Variants in BMPR1A observed in about 807,000 individuals in gnomAD.
BMPR1A encodes the protein bone morphogenetic protein receptor type 1A, also known as bone morphogenetic protein receptor type-1A.
Under a neutral mutation model 66.0 loss-of-function variants are expected in BMPR1A, and 7 were observed. That is an observed-to-expected ratio of 0.11 (90% CI 0.06 to 0.20). The LOEUF is 0.20. Among genes scored for constraint, BMPR1A ranks in the 10% least tolerant of loss-of-function variants. The pLI, the probability that BMPR1A is intolerant of heterozygous loss-of-function variation, is 1.00. For synonymous variants in BMPR1A, 200 were observed against 229.7 expected (o/e 0.87, Z 1.17); for missense variants, 408 against 669.1 (o/e 0.61, Z 4.31).
chr10:86,834,994 G>A (rs1260964443), intron 1 of BMPR1A, among the ~76,000 whole-genome samples: 4 of 151,810 alleles, frequency 2.6e-5, no homozygotes, highest in Non-Finnish European at 5.9e-5. Context: ...TGGAGTAGCC[G>A]AAGGAAAAAA....
At chr10:86,905,616 T>C (rs1843374521) in intron 7 of BMPR1A, among the ~76,000 whole-genome samples, 1 of 152,096 alleles carries the variant, frequency 6.6e-6, no homozygotes, top group Non-Finnish European at 1.5e-5. Context: ...TTACTCACTC[T>C]TGTTGATGTT....
chr10:86,902,048 G>C (rs973514877), intron 7 of BMPR1A, among the ~76,000 whole-genome samples: 1 of 151,920 alleles, frequency 6.6e-6, no homozygotes, highest in East Asian at 1.9e-4. Flanking sequence ...TAGTAAAGAC[G>C]GGGGTTTCAC....
intron 3 of BMPR1A, among the ~76,000 whole-genome samples, chr10:86,888,826 CAAAA>C (rs11353145): frequency 8.2e-5 from 7 of 85,478 alleles, no homozygotes; most frequent in Non-Finnish European, 1.4e-4. Context: ...GACCATGTCT[CAAAA>C]AAAAAAAAAA....
chr10:86,797,068 C>CTTT (rs780930060), intron 1 of BMPR1A, among the ~76,000 whole-genome samples: 3 of 105,036 alleles, frequency 2.9e-5, no homozygotes, highest in Non-Finnish European at 3.9e-5. Flanking sequence ...CTTTTCTTTT[C>CTTT]TTTTTTTTTT....
chr10:86,837,241 G>GTGTC (rs1554883374), intron 1 of BMPR1A, among the ~76,000 whole-genome samples: 5 of 94,980 alleles, frequency 5.3e-5, no homozygotes, highest in African/African-American at 2.7e-4. Flanking sequence ...CTGTGTGTGT[G>GTGTC]TGTGTCTGTG....
intron 2 of BMPR1A, among the ~76,000 whole-genome samples, chr10:86,857,423 A>G (rs1001949118): frequency 1.3e-5 from 2 of 152,208 alleles, no homozygotes; most frequent in Non-Finnish European, 2.9e-5. Flanking sequence ...ACAAATTGAA[A>G]TTATCCCAGG....
In BMPR1A at chr10:86,766,617, C is replaced by CTTTTT. The variant is rs71019427; in HGVS notation, c.-268+9710_-268+9714dup. 1.5e-3 allele frequency among the ~76,000 whole-genome samples: 192 copies of CTTTTT among 131,242 alleles called. 7 individuals are homozygous for CTTTTT. Among genetic ancestry groups the CTTTTT allele is most frequent in the African/African-American group, 4.4e-3 (139 of 31,624 alleles). 86.1% of individuals were successfully genotyped at this position (131,242 alleles called of 152,430 possible). A position where few individuals can be genotyped will look rare whatever the true frequency, so the allele number is the denominator to read the frequency against. On this transcript the variant is annotated intron_variant, in intron 1 of 12. Transcript: ENST00000372037. The stretch of plus-strand genomic sequence containing the variant: ...CTCCTCCCAACATAATCATATCAGT[C>CTTTTT]TTTTTTTTTTTTTTTTGAGACGGAG...
At chr10:86,891,688 G>A (rs1031142896) in intron 4 of BMPR1A, among the ~76,000 whole-genome samples, 1 of 151,988 alleles carries the variant, frequency 6.6e-6, no homozygotes, top group Non-Finnish European at 1.5e-5. Context: ...AAGCCTATTT[G>A]TATGTTTCAG....
rs746526008 is a variant in BMPR1A at position 86,758,797 on chromosome 10, A to G, written c.-268+1878A>G. 1.8e-4 allele frequency among the ~76,000 whole-genome samples: 27 copies of G among 152,308 alleles called. 1 individual carries two copies. The highest frequency in any genetic ancestry group is 3.4e-4 in the Non-Finnish European group (23 of 68,022). On this transcript the variant is annotated intron_variant, in intron 1 of 12. Coordinates refer to ENST00000372037, the MANE Select transcript of BMPR1A (RefSeq NM_004329.3). ...CTGGATTTCACCTTCACAAGGAACT[A>G]TAACCTAATCAACACATTTAACTAC...
At chr10:86,808,760 T>C (rs530692553) in intron 1 of BMPR1A, among the ~76,000 whole-genome samples, 1 of 152,356 alleles carries the variant, frequency 6.6e-6, no homozygotes, top group South Asian at 2.1e-4. Context: ...ATTATTTCTT[T>C]ACAATCACCA....
intron 5 of BMPR1A, among the ~76,000 whole-genome samples, chr10:86,892,676 G>T (rs757801060): frequency 6.6e-6 from 1 of 151,922 alleles, no homozygotes; most frequent in Non-Finnish European, 1.5e-5. Context: ...CAGTCTGCCC[G>T]CATCGGCCCG....
In BMPR1A at chr10:86,892,357, A is replaced by G. The variant is rs1843164490; in HGVS notation, c.333+128A>G. On this transcript the variant is annotated intron_variant, in intron 5 of 12. Transcript: ENST00000372037. ...TTCACATCAGTAAATATATTGGAGGAATACCTACTGTCTAGATTCTGTCCT... is the reference window on the plus strand; with the variant it reads ...TTCACATCAGTAAATATATTGGAGGGATACCTACTGTCTAGATTCTGTCCT... 12 of 704,416 alleles carry G rather than the reference A, an allele frequency of 1.7e-5. No homozygotes were observed. In the South Asian group the frequency reaches 2.0e-4, roughly 12 times the overall value. The allele number at this position is 704,416 out of a possible 1,614,324, so 43.6% of individuals were successfully genotyped here.
intron 1 of BMPR1A, among the ~76,000 whole-genome samples, chr10:86,815,859 G>T (rs1227172963): frequency 6.6e-6 from 1 of 152,176 alleles, no homozygotes; most frequent in East Asian, 1.9e-4. Flanking sequence ...GACTGATGCT[G>T]GCCAGTGGAC....
At chr10:86,839,352 G>A (rs1207305676) in intron 2 of BMPR1A, among the ~76,000 whole-genome samples, 2 of 152,094 alleles carry the variant, frequency 1.3e-5, no homozygotes, top group South Asian at 2.1e-4. Flanking sequence ...CAGCACTTTG[G>A]GAGGCTGAGG....
chr10:86,764,283 AT>A (rs1234441061), intron 1 of BMPR1A, among the ~76,000 whole-genome samples: 1 of 152,338 alleles, frequency 6.6e-6, no homozygotes, highest in East Asian at 1.9e-4. Context: ...AGGCTGTTAA[AT>A]TTTGGTGAGG....
At chr10:86,772,365 C>A (rs555945036) in intron 1 of BMPR1A, among the ~76,000 whole-genome samples, 9 of 151,908 alleles carry the variant, frequency 5.9e-5, no homozygotes, top group Admixed American at 2.0e-4. Context: ...CTCCTGACCT[C>A]ATGATCTCCC....
rs1564685462 is a variant in BMPR1A, at chr10:86,790,185, AAAAATATATAT to A, written c.-268+33268_-268+33278del. Among the ~76,000 whole-genome samples the A allele has an allele frequency of 8.2e-4, 28 of 34,008 alleles. 6 individuals carry two copies. The highest frequency in any genetic ancestry group is 6.4e-3 in the African/African-American group (27 of 4,216). The allele number at this position is 34,008 out of a possible 152,430, so 22.3% of individuals were successfully genotyped here. ...TCCAAAAAAAAAAAAAAAAAAAAAA[AAAAATATATAT>A]ATATATATATATATATATATATATA... On this transcript the variant is annotated intron_variant, in intron 1 of 12. Transcript: ENST00000372037.
intron 2 of BMPR1A, chr10:86,854,933 CTTTTTTT>C (rs921404914): frequency 7.5e-5 from 11 of 146,168 alleles, no homozygotes; most frequent in East Asian, 5.5e-4. Context: ...TTTTCTTTTT[CTTTTTTT>C]TTTTTTTTCT....
intron 2 of BMPR1A, among the ~76,000 whole-genome samples, chr10:86,863,335 A>G (rs75964782): frequency 0.034 from 5,139 of 152,234 alleles, 197 homozygotes; most frequent in African/African-American, 0.093. Context: ...GATGTTATCA[A>G]GTATCTTTTC....
Sources: gnomAD v4.1 joint callset for allele counts (sites outside exome capture counted in the v4.1 genomes callset) on GRCh38, gnomAD v4.1.1 for gene constraint, MANE v1.5 for transcripts, NCBI Gene and HGNC (gene_info 2026-07-23, HGNC 2026-07-21) for gene names.